DCC: variants seen among roughly 807,000 people sequenced by gnomAD.
The protein encoded by DCC is DCC netrin 1 receptor, also known as netrin receptor DCC.
Under a neutral mutation model 172.5 loss-of-function variants are expected in DCC, and 58 were observed. The observed-to-expected ratio is 0.34, with a 90% CI of 0.27 to 0.42. The LOEUF is 0.42. Among genes scored for constraint, DCC ranks in the 10% least tolerant of loss-of-function variants. The pLI is 1.00. For synonymous variants in DCC, 709 were observed against 644.5 expected (o/e 1.10, Z -1.52); for missense variants, 1,740 against 1,791.0 (o/e 0.97, Z 0.51).
intron 25 of DCC, among the ~76,000 whole-genome samples, chr18:53,472,494 C>A (rs2045709555): frequency 1.3e-5 from 2 of 152,162 alleles, no homozygotes; most frequent in South Asian, 4.2e-4. Flanking sequence ...TCTATCTGTG[C>A]CAATCATTTA....
chr18:53,107,573 A>C (rs1254779586), intron 7 of DCC, among the ~76,000 whole-genome samples: 1 of 149,460 alleles, frequency 6.7e-6, no homozygotes, highest in Non-Finnish European at 1.5e-5. Flanking sequence ...CGTGGTTCCT[A>C]ACCTCAAACA....
At chr18:53,289,161 A>G (rs1385262397) in intron 12 of DCC, among the ~76,000 whole-genome samples, 1 of 152,144 alleles carries the variant, frequency 6.6e-6, no homozygotes, top group African/African-American at 2.4e-5. Flanking sequence ...ATGACAAAAA[A>G]AAAGATTTGA....
chr18:53,462,298 C>T (rs1409100671), intron 24 of DCC, among the ~76,000 whole-genome samples: 1 of 152,114 alleles, frequency 6.6e-6, no homozygotes, highest in Non-Finnish European at 1.5e-5. Flanking sequence ...TATGTATTTA[C>T]AGCCATTCCC....
rs986050072 is a variant in DCC, at chr18:53,354,097, C to T, written c.2359+14190C>T. 1.1e-3 allele frequency among the ~76,000 whole-genome samples: 169 copies of T among 152,240 alleles called. 1 individual carries two copies. Among genetic ancestry groups the T allele is most frequent in the Middle Eastern group, 6.8e-3 (2 of 294 alleles). The stretch of plus-strand genomic sequence containing the variant: ...TCCCTACAAAGGACATGAACTCACC[C>T]TTTTTTATGGCTGCATAGTATCCCA... On this transcript the variant is annotated intron_variant, in intron 15 of 28. Transcript: ENST00000442544.
chr18:52,879,893 T>C (rs1327217739), intron 2 of DCC, among the ~76,000 whole-genome samples: 2 of 152,146 alleles, frequency 1.3e-5, no homozygotes, highest in African/African-American at 4.8e-5. Context: ...TCATTTTAAA[T>C]TTTTGTGGGT....
At chr18:52,823,679 TAGATC>T (rs1240267723) in intron 2 of DCC, among the ~76,000 whole-genome samples, 2 of 152,220 alleles carry the variant, frequency 1.3e-5, no homozygotes, top group South Asian at 2.1e-4. Flanking sequence ...AGAAAATTCA[TAGATC>T]AGAATCATAG....
chr18:52,857,634 G>A (rs2039075210), intron 2 of DCC, among the ~76,000 whole-genome samples: 1 of 151,860 alleles, frequency 6.6e-6, no homozygotes, highest in African/African-American at 2.4e-5. Context: ...AGTGACTTCT[G>A]TGAATAATCA....
At chr18:53,416,440 C>T (rs1163597763) in intron 21 of DCC, 9 of 587,084 alleles carry the variant, frequency 1.5e-5, no homozygotes, top group African/African-American at 1.3e-4. Flanking sequence ...TCTCTGTCTG[C>T]ACTTCTGAAT....
chr18:53,036,212 T>G (rs2042090159), intron 5 of DCC, among the ~76,000 whole-genome samples: 1 of 152,018 alleles, frequency 6.6e-6, no homozygotes, highest in Non-Finnish European at 1.5e-5. Flanking sequence ...CCAAGTAGAT[T>G]AGGATGTGTA....
At chr18:52,367,028 A>G (rs191939448) in intron 1 of DCC, among the ~76,000 whole-genome samples, 13,701 of 152,230 alleles carry the variant, frequency 0.09, 1,014 homozygotes, top group East Asian at 0.37. Context: ...ATGGCGGGCT[A>G]CAGGTCCCGA....
chr18:53,255,576 G>GGT (rs1449239904), intron 12 of DCC, among the ~76,000 whole-genome samples: 3 of 151,778 alleles, frequency 2.0e-5, no homozygotes, highest in Admixed American at 6.6e-5. Context: ...AGTATTCCAT[G>GGT]GTGTATATGT....
chr18:52,570,168 C>G (rs1196190962), intron 1 of DCC, among the ~76,000 whole-genome samples: 1 of 152,114 alleles, frequency 6.6e-6, no homozygotes, highest in Non-Finnish European at 1.5e-5. Flanking sequence ...CTAGAGCTAG[C>G]AAATCTCTAA....
intron 1 of DCC, among the ~76,000 whole-genome samples, chr18:52,367,092 C>CGGTG (rs1048875592): frequency 6.6e-5 from 10 of 152,216 alleles, no homozygotes; most frequent in Admixed American, 1.3e-4. Flanking sequence ...AGCGCAGCGC[C>CGGTG]GGTGGGCTGG....
intron 12 of DCC, among the ~76,000 whole-genome samples, chr18:53,257,250 T>C (rs1394649037): frequency 1.1e-4 from 17 of 152,322 alleles, no homozygotes; most frequent in Non-Finnish European, 1.5e-4. Context: ...CAACACTATG[T>C]TGAATAGGAG....
At chr18:52,584,192 T>C (rs544091242) in intron 1 of DCC, among the ~76,000 whole-genome samples, 1 of 152,294 alleles carries the variant, frequency 6.6e-6, no homozygotes, top group Non-Finnish European at 1.5e-5. Context: ...GAAAGATACA[T>C]AAGGTGAGTG....
intron 5 of DCC, among the ~76,000 whole-genome samples, chr18:52,989,890 C>A (rs897079081): frequency 1.3e-5 from 2 of 152,108 alleles, no homozygotes; most frequent in Admixed American, 6.5e-5. Context: ...GCTCCAGTAC[C>A]CACATGTCCA....
chr18:53,196,252 T>C (rs1173151385), intron 9 of DCC, among the ~76,000 whole-genome samples: 1 of 152,180 alleles, frequency 6.6e-6, no homozygotes, highest in Non-Finnish European at 1.5e-5. Context: ...GCATTTGACA[T>C]TACTTAGAAA....
Position 52,879,412 on chromosome 18 carries a change from C to T in DCC, c.413-26632C>T, listed in dbSNP as rs1272442959. 3.3e-3 allele frequency among the ~76,000 whole-genome samples: 207 copies of T among 62,320 alleles called. 3 individuals carry two copies. Among genetic ancestry groups the T allele is most frequent in the African/African-American group, 0.011 (157 of 14,496 alleles). 40.9% of individuals were successfully genotyped at this position (62,320 alleles called of 152,430 possible). A position where few individuals can be genotyped will look rare whatever the true frequency, so the allele number is the denominator to read the frequency against. On this transcript the variant is annotated intron_variant, in intron 2 of 28. Coordinates refer to ENST00000442544, the MANE Select transcript of DCC (RefSeq NM_005215.4). ...AATTTCTAGCCCATATGTTGTTTGG[C>T]TTTTTTTTTTTTTTTTTTTTTTTTT...
chr18:52,681,196 T>C (rs1471674647), intron 1 of DCC, among the ~76,000 whole-genome samples: 1 of 152,080 alleles, frequency 6.6e-6, no homozygotes, highest in Non-Finnish European at 1.5e-5. Flanking sequence ...TTTCCTGAGT[T>C]CTCAGTTAGT....
Sources: gnomAD v4.1 joint callset for allele counts (sites outside exome capture counted in the v4.1 genomes callset) on GRCh38, gnomAD v4.1.1 for gene constraint, MANE v1.5 for transcripts, NCBI Gene and HGNC (gene_info 2026-07-23, HGNC 2026-07-21) for gene names.